UBN2: variants seen among roughly 807,000 people sequenced by gnomAD.
The protein encoded by UBN2 is ubinuclein 2.
In UBN2, 35 loss-of-function variants were observed where a neutral mutation model predicts 120.2. The ratio of observed to expected loss-of-function variants is 0.29; its 90% CI spans 0.22 to 0.39. UBN2 has a LOEUF of 0.39. Ranked by LOEUF, UBN2 falls within the 10% of genes least tolerant of loss-of-function variation. The pLI is 1.00. For synonymous variants in UBN2, 661 were observed against 648.7 expected, an observed-to-expected ratio of 1.02 and a Z score of -0.29; for missense variants, 1,693 against 1,663.2, an observed-to-expected ratio of 1.02 and a Z score of -0.31.
At chr7:139,295,464 G>T (rs1798083031) in intron 17 of UBN2, among the ~76,000 whole-genome samples, 1 of 152,134 alleles carries the variant, frequency 6.6e-6, no homozygotes, top group African/African-American at 2.4e-5. Flanking sequence ...CATGAATGTG[G>T]CCACCTGCAA....
At position 139,251,953 on chromosome 7, in the gene UBN2, C is replaced by A; in HGVS notation, c.562-3C>A. On this transcript the variant is annotated splice_region_variant and splice_polypyrimidine_tract_variant and intron_variant, in intron 2 of 17. Coordinates refer to ENST00000473989, the MANE Select transcript of UBN2 (RefSeq NM_173569.4). ...ATCAGTCTAATGTATCTGTTCTTTG[C>A]AGGGTGGGAAACCCCGTAAACACCG... The A allele has an allele frequency of 6.2e-7, 1 of 1,613,336 alleles. No individual in the cohort carries two copies. The highest frequency in any genetic ancestry group is 8.5e-7 in the Non-Finnish European group (1 of 1,179,298).
intron 2 of UBN2, among the ~76,000 whole-genome samples, chr7:139,239,536 A>T (rs1037218672): frequency 2.1e-5 from 3 of 145,556 alleles, no homozygotes; most frequent in Non-Finnish European, 4.5e-5. Flanking sequence ...TCCCTCCATC[A>T]CTATATTAGA....
chr7:139,274,151 A>ATGTG, intron 11 of UBN2, 77 bp downstream of exon 11: 5 of 1,325,332 alleles, frequency 3.8e-6, no homozygotes, highest in Non-Finnish European at 5.0e-6. Flanking sequence ...ACACATACAC[A>ATGTG]TATGTGACAT....
chr7:139,252,130 A>C (rs1221519303), intron 3 of UBN2, 73 bp downstream of exon 3: 3 of 1,220,702 alleles, frequency 2.5e-6, no homozygotes, highest in Non-Finnish European at 3.6e-6. Flanking sequence ...GGGTAAAGTA[A>C]CTTAAATAGT....
intron 2 of UBN2, among the ~76,000 whole-genome samples, chr7:139,246,999 C>G (rs1242514116): frequency 6.6e-6 from 1 of 152,024 alleles, no homozygotes; most frequent in African/African-American, 2.4e-5. Context: ...TTTTGGCTGC[C>G]ATGAGTCAAG....
At chr7:139,250,635 C>T (rs1325308109) in intron 2 of UBN2, among the ~76,000 whole-genome samples, 2 of 152,088 alleles carry the variant, frequency 1.3e-5, no homozygotes, top group East Asian at 3.9e-4. Flanking sequence ...AACCCAGCTT[C>T]CCCCAGTAGT....
chr7:139,258,639 A>G lies in UBN2; in HGVS notation c.801+14A>G. 1 of 1,581,994 alleles carries G rather than the reference A, an allele frequency of 6.3e-7. No homozygotes were observed. Among genetic ancestry groups the G allele is most frequent in the Non-Finnish European group, 8.6e-7 (1 of 1,163,094 alleles). ...AAGCCACCCAAGGTGAGTTTATCAA[A>G]CATTGCAACAGTACTGAGAATGTTC... On this transcript the variant is annotated intron_variant, in intron 4 of 17. Coordinates refer to ENST00000473989, the MANE Select transcript of UBN2 (RefSeq NM_173569.4).
At chr7:139,274,764 AAAAAAAAAAAAAG>A (rs1299689026) in intron 11 of UBN2, among the ~76,000 whole-genome samples, 13 of 147,698 alleles carry the variant, frequency 8.8e-5, no homozygotes, top group African/African-American at 3.0e-4. Context: ...CTCCGTCTCA[AAAAAAAAAAAAAG>A]AAAAAGAAAA....
At position 139,300,624 on chromosome 7, in the gene UBN2, G is replaced by A. The variant is rs1798232155; in HGVS notation, c.*2788G>A. 6.6e-6 allele frequency: 1 copy of A among 152,192 alleles called. No individual in the cohort carries two copies. Among genetic ancestry groups the A allele is most frequent in the South Asian group, 2.1e-4 (1 of 4,834 alleles). The allele number at this position is 152,192 out of a possible 1,614,324, so 9.4% of individuals were successfully genotyped here. A position where few individuals can be genotyped will look rare whatever the true frequency, so the allele number is the denominator to read the frequency against. ...CAACGTGTATTTCTGAAGAGCATTA[G>A]CAACATCCAAATGCAAAAATAATCA... On this transcript the variant is annotated 3_prime_UTR_variant, in exon 18 of 18. Transcript: ENST00000473989.
intron 2 of UBN2, 44 bp from the exon 3 acceptor site, chr7:139,251,912 A>G: frequency 1.3e-6 from 2 of 1,567,362 alleles, no homozygotes; most frequent in Non-Finnish European, 1.8e-6. Flanking sequence ...CTTTATGGAA[A>G]CAGCATGAGT....
intron 2 of UBN2, among the ~76,000 whole-genome samples, chr7:139,243,276 A>G (rs1005307156): frequency 4.6e-5 from 7 of 152,202 alleles, no homozygotes; most frequent in African/African-American, 1.7e-4. Flanking sequence ...CACTTTAGAT[A>G]TAGCAAAATT....
At chr7:139,237,208 C>T (rs756736005) in intron 2 of UBN2, 111 bp downstream of exon 2, 1 of 570,974 alleles carries the variant, frequency 1.8e-6, no homozygotes. Context: ...ACTTTGTTCT[C>T]ACCAATGGAA....
intron 15 of UBN2, among the ~76,000 whole-genome samples, chr7:139,292,149 G>A (rs1368225801): frequency 6.6e-6 from 1 of 152,116 alleles, no homozygotes; most frequent in Non-Finnish European, 1.5e-5. Context: ...AGCTACTCGG[G>A]AGGCTGAGGT....
intron 8 of UBN2, 110 bp downstream of exon 8, chr7:139,269,633 AT>A: frequency 1.7e-6 from 2 of 1,204,774 alleles, no homozygotes; most frequent in Non-Finnish European, 2.3e-6. Flanking sequence ...TATTGTATGT[AT>A]TTAATAACCA....
At chr7:139,308,883 A>G (rs1248922244), downstream of UBN2, among the ~76,000 whole-genome samples, 3 of 152,192 alleles carry the variant, frequency 2.0e-5, no homozygotes, top group Admixed American at 2.0e-4. Context: ...CATCCTGGCC[A>G]ACATGGTGCA....
At chr7:139,285,340 C>CA (rs34265373) in intron 15 of UBN2, among the ~76,000 whole-genome samples, 25 of 149,642 alleles carry the variant, frequency 1.7e-4, no homozygotes, top group African/African-American at 4.2e-4. Context: ...AACTTCATCT[C>CA]AAAAAAAAAG....
intron 2 of UBN2, among the ~76,000 whole-genome samples, chr7:139,244,115 A>C (rs774225991): frequency 6.6e-6 from 1 of 152,210 alleles, no homozygotes; most frequent in Non-Finnish European, 1.5e-5. Flanking sequence ...CCTTAGAGAC[A>C]CTGTGAGTTT....
downstream of UBN2, among the ~76,000 whole-genome samples, chr7:139,311,541 G>A (rs1798446959): frequency 6.6e-6 from 1 of 152,232 alleles, no homozygotes; most frequent in African/African-American, 2.4e-5. Flanking sequence ...GACCCCAGGC[G>A]GGTGTATTGG....
chr7:139,323,156 A>G, the UBN2 span, among the ~76,000 whole-genome samples: 1 of 152,156 alleles, frequency 6.6e-6, no homozygotes, highest in Admixed American at 6.5e-5. Flanking sequence ...TGAAACTCTC[A>G]TATACAAGAA....
Sources: gnomAD v4.1 joint callset for allele counts (sites outside exome capture counted in the v4.1 genomes callset) on GRCh38, gnomAD v4.1.1 for gene constraint, MANE v1.5 for transcripts, NCBI Gene and HGNC (gene_info 2026-07-23, HGNC 2026-07-21) for gene names.